The following DIP2C variants were observed in gnomAD, a reference collection of about 807,000 sequenced individuals.
DIP2C encodes DIP2 acetate--CoA ligase C (putative), also known as disco-interacting protein 2 homolog C.
In DIP2C, 33 loss-of-function variants were observed where a neutral mutation model predicts 192.4. The observed-to-expected ratio is 0.17, with a 90% CI of 0.13 to 0.23. The LOEUF (loss-of-function observed/expected upper bound fraction) is 0.23. DIP2C is among the 10% of genes least tolerant of loss of function. The pLI, the probability that DIP2C is intolerant of heterozygous loss-of-function variation, is 1.00. For synonymous variants in DIP2C, 979 were observed against 864.1 expected (o/e 1.13, Z -2.33); for missense variants, 1,537 against 2,110.1 (o/e 0.73, Z 5.32).
chr10:414,106 T>A lies in DIP2C; in HGVS notation c.864A>T (p.Gln288His), dbSNP rs1235742450. 1 of 1,610,768 alleles carries A rather than the reference T, an allele frequency of 6.2e-7. No individual in the cohort carries two copies. The highest frequency in any genetic ancestry group is 1.3e-5 in the African/African-American group (1 of 75,016). The change falls in exon 8 of 37, where the codon CAA becomes CAT. Residue 288 changes from glutamine to histidine, a missense_variant. Transcript: ENST00000280886. Reference protein sequence around the residue: ...VDDFEELLEVQQPDPNQPKPE... With the variant: ...VDDFEELLEVHQPDPNQPKPE... Reference sequence around the variant, plus strand: ...GCTTTGGTTGGTTCGGATCCGGTTGTTGAACTAAATCGTTTGAATACAAGA... The same window carrying A: ...GCTTTGGTTGGTTCGGATCCGGTTGATGAACTAAATCGTTTGAATACAAGA...
intron 1 of DIP2C, among the ~76,000 whole-genome samples, chr10:552,861 C>T (rs1014058130): frequency 4.6e-5 from 7 of 152,184 alleles, no homozygotes; most frequent in Non-Finnish European, 7.3e-5. Flanking sequence ...AAAAAAGTGA[C>T]GAACACCCCA....
At chr10:451,893 G>A (rs535687108) in intron 3 of DIP2C, among the ~76,000 whole-genome samples, 2 of 152,154 alleles carry the variant, frequency 1.3e-5, no homozygotes, top group Non-Finnish European at 2.9e-5. Context: ...TTTAAGAAAT[G>A]TTTGCACCAT....
intron 2 of DIP2C, among the ~76,000 whole-genome samples, chr10:473,169 A>C (rs186623615): frequency 6.6e-6 from 1 of 152,216 alleles, no homozygotes; most frequent in Non-Finnish European, 1.5e-5. Context: ...GGTCAGATAA[A>C]AACGGTTTAA....
intron 1 of DIP2C, among the ~76,000 whole-genome samples, chr10:625,087 C>T (rs1854111936): frequency 6.6e-6 from 1 of 152,198 alleles, no homozygotes; most frequent in Non-Finnish European, 1.5e-5. Context: ...GACGCAGGTG[C>T]CTGATATTAA....
chr10:281,001 T>C lies in DIP2C; in HGVS notation c.4418+199A>G, dbSNP rs117700740. On this transcript the variant is annotated intron_variant, in intron 36 of 36. Coordinates refer to ENST00000280886, the MANE Select transcript of DIP2C (RefSeq NM_014974.3). ...ATAGAAGTCTATCGTTTTCAGGTAA[T>C]ATATGGTACATTAACTCTACATGTG... Among the ~76,000 whole-genome samples the C allele has an allele frequency of 7.3e-4, 111 of 152,338 alleles. No homozygotes were observed. The East Asian group carries it at 0.018, about 25-fold the overall frequency.
chr10:530,590 G>A (rs1847306007), intron 1 of DIP2C, among the ~76,000 whole-genome samples: 1 of 149,536 alleles, frequency 6.7e-6, no homozygotes, highest in African/African-American at 2.5e-5. Context: ...GGCTGAGGTG[G>A]GAGGGTTGCT....
Position 668,012 on chromosome 10 carries a change from A to G in DIP2C, c.85+21482T>C, listed in dbSNP as rs964844628. 1.3e-5 allele frequency: 2 copies of G among 152,324 alleles called. 1 individual carries two copies. The allele number at this position is 152,324 out of a possible 1,614,324, so 9.4% of individuals were successfully genotyped here. A position where few individuals can be genotyped will look rare whatever the true frequency, so the allele number is the denominator to read the frequency against. ...ACAACACTCATACAACACAACACTC[A>G]TACAACATACAGACAACACATGCAA... On this transcript the variant is annotated intron_variant, in intron 1 of 36. Transcript: ENST00000280886.
chr10:280,504 C>T (rs575096194), intron 36 of DIP2C, among the ~76,000 whole-genome samples: 4 of 151,552 alleles, frequency 2.6e-5, no homozygotes, highest in East Asian at 2.0e-4. Context: ...TAAAACTCCC[C>T]GGCCCTGGCC....
At chr10:478,717 C>T (rs1032297414) in intron 2 of DIP2C, among the ~76,000 whole-genome samples, 9 of 151,852 alleles carry the variant, frequency 5.9e-5, no homozygotes, top group Non-Finnish European at 8.8e-5. Flanking sequence ...CGTGTCCGGG[C>T]GTGCTGGGGG....
chr10:493,615 C>T lies in DIP2C; in HGVS notation c.86-7085G>A, dbSNP rs74382115. On this transcript the variant is annotated intron_variant, in intron 1 of 36. Coordinates refer to ENST00000280886, the MANE Select transcript of DIP2C (RefSeq NM_014974.3). Reference sequence around the variant, plus strand: ...GGCCTCATGGCTTGAGAGCAAGTCTCTCACGCTCCACCCTCCGCTTCCCGA... The same window carrying T: ...GGCCTCATGGCTTGAGAGCAAGTCTTTCACGCTCCACCCTCCGCTTCCCGA... Among the ~76,000 whole-genome samples, 669 of 152,284 alleles carry T rather than the reference C, an allele frequency of 4.4e-3. 16 individuals carry two copies. The highest frequency in any genetic ancestry group is 0.03 in the Admixed American group (461 of 15,290).
At chr10:357,655 A>G (rs1029717122) in intron 23 of DIP2C, among the ~76,000 whole-genome samples, 173 bp downstream of exon 23, 1 of 152,192 alleles carries the variant, frequency 6.6e-6, no homozygotes, top group African/African-American at 2.4e-5. Context: ...GCGACATCGG[A>G]GACTGTCGGG....
At chr10:311,452 G>A (rs1956562935) in intron 31 of DIP2C, 2 of 1,149,880 alleles carry the variant, frequency 1.7e-6, no homozygotes, top group South Asian at 4.4e-5. Context: ...GCACTCAACT[G>A]CTAGTCTGTC....
chr10:581,196 C>G (rs1424209048), intron 1 of DIP2C, among the ~76,000 whole-genome samples: 1 of 152,140 alleles, frequency 6.6e-6, no homozygotes, highest in Non-Finnish European at 1.5e-5. Flanking sequence ...CTGATACTTA[C>G]TCTAGTCTAC....
chr10:534,843 AT>A (rs1847608503), intron 1 of DIP2C, among the ~76,000 whole-genome samples: 1 of 149,842 alleles, frequency 6.7e-6, no homozygotes, highest in Non-Finnish European at 1.5e-5. Flanking sequence ...CGCCCGGCTA[AT>A]TTTTTGTATT....
chr10:668,227 AAC>A (rs148116286), intron 1 of DIP2C: 1 of 152,408 alleles, frequency 6.6e-6, no homozygotes, highest in East Asian at 1.9e-4. Context: ...ACACTCATAC[AAC>A]ACATGCAACT....
chr10:295,965 T>C (rs1266458624), intron 32 of DIP2C, among the ~76,000 whole-genome samples: 2 of 152,192 alleles, frequency 1.3e-5, no homozygotes, highest in Non-Finnish European at 2.9e-5. Context: ...TTTGATGGGG[T>C]TGTTTGACTC....
rs1205158402 is a variant in DIP2C at position 310,097 on chromosome 10, A to C, written c.3925-5T>G. 1.2e-6 allele frequency: 2 copies of C among 1,614,048 alleles called. No individual in the cohort carries two copies. Among genetic ancestry groups the C allele is most frequent in the Non-Finnish European group, 1.7e-6 (2 of 1,180,004 alleles). On this transcript the variant is annotated splice_region_variant and splice_polypyrimidine_tract_variant and intron_variant, in intron 31 of 36. Transcript: ENST00000280886. Reference sequence around the variant, plus strand: ...TGGGTCAGGTCCTGAGGTTCCCTGCAAGCAACAACAGAGTGGTTAACTCAA... The same window carrying C: ...TGGGTCAGGTCCTGAGGTTCCCTGCCAGCAACAACAGAGTGGTTAACTCAA...
intron 1 of DIP2C, among the ~76,000 whole-genome samples, chr10:568,813 G>A (rs1849607954): frequency 7.7e-6 from 1 of 129,270 alleles, no homozygotes; most frequent in Non-Finnish European, 1.6e-5. Context: ...CACTTGATCT[G>A]CAAGATGGCT....
chr10:370,237 T>G (rs1960800194), intron 17 of DIP2C, among the ~76,000 whole-genome samples: 1 of 152,254 alleles, frequency 6.6e-6, no homozygotes. Flanking sequence ...GAATGCATTG[T>G]GGGTCAGGAG....
Sources: gnomAD v4.1 joint callset for allele counts (sites outside exome capture counted in the v4.1 genomes callset) on GRCh38, gnomAD v4.1.1 for gene constraint, MANE v1.5 for transcripts, NCBI Gene and HGNC (gene_info 2026-07-23, HGNC 2026-07-21) for gene names.